The following TCF25 variants were observed in gnomAD, a reference collection of about 807,000 sequenced individuals.
TCF25 encodes the protein ribosome quality control complex subunit TCF25.
In TCF25, 41 loss-of-function variants were observed where a neutral mutation model predicts 83.1. The observed-to-expected ratio is 0.49, with a 90% confidence interval of 0.38 to 0.64. The LOEUF (loss-of-function observed/expected upper bound fraction) is 0.64. TCF25 is among the 30% of genes least tolerant of loss of function. The pLI is 0.00. For synonymous variants in TCF25, 458 were observed against 365.0 expected (o/e 1.25, Z -2.90); for missense variants, 979 against 914.5 (o/e 1.07, Z -0.91).
chr16:89,887,030 G>T (rs2043069210), intron 4 of TCF25, among the ~76,000 whole-genome samples: 1 of 152,106 alleles, frequency 6.6e-6, no homozygotes, highest in Non-Finnish European at 1.5e-5. Context: ...ATATTAGAGA[G>T]TTCCTTCTTT....
In TCF25 at chr16:89,898,827, G is replaced by T. The variant is rs760679534; in HGVS notation, c.1176G>T (p.Arg392=). 5 of 1,613,886 alleles carry T rather than the reference G, an allele frequency of 3.1e-6. No homozygotes were observed. In the South Asian group the frequency reaches 4.4e-5, roughly 14 times the overall value. ...MLLLIDHLAL[R]ARNYEYLIRL... is the part of the protein sequence containing the mutation. ...TGCTCATCGACCACCTGGCCTTGCG[G>T]GCCCGGAACTACGAGTACCTGATCC... Residue 392 remains arginine (R), a synonymous_variant, in exon 11 of 18, where the codon CGG becomes CGT. Coordinates refer to ENST00000263346, the MANE Select transcript of TCF25 (RefSeq NM_014972.3).
intron 16 of TCF25, among the ~76,000 whole-genome samples, chr16:89,908,669 C>CT (rs2045257126): frequency 9.8e-6 from 1 of 102,452 alleles, no homozygotes; most frequent in African/African-American, 4.1e-5. Flanking sequence ...CAGCTCCCAC[C>CT]TCCCTCCTCC....
rs371442332 is a variant in TCF25, at chr16:89,898,848, G to A, written c.1197G>A (p.Leu399=). The change falls in exon 11 of 18, where the codon CTG becomes CTA. Residue 399 remains leucine, a synonymous_variant. Coordinates refer to ENST00000263346, the MANE Select transcript of TCF25 (RefSeq NM_014972.3). ...TGCGGGCCCGGAACTACGAGTACCTGATCCGCCTCTTCCAGGAGTGGGAGG... is the reference window on the plus strand; with the variant it reads ...TGCGGGCCCGGAACTACGAGTACCTAATCCGCCTCTTCCAGGAGTGGGAGG... ...LALRARNYEY[L]IRLFQEWEAH... 1 of 1,613,852 alleles carries A rather than the reference G, an allele frequency of 6.2e-7. No individual in the cohort carries two copies. The highest frequency in any genetic ancestry group is 2.2e-5 in the East Asian group (1 of 44,880).
At chr16:89,908,912 G>T (rs540658935) in intron 16 of TCF25, 35 of 1,284,886 alleles carry the variant, frequency 2.7e-5, no homozygotes, top group Non-Finnish European at 6.1e-6. Flanking sequence ...GCCTCTTTCA[G>T]ACCCAGATGC....
chr16:89,874,394 G>C (rs1204012743), intron 1 of TCF25, among the ~76,000 whole-genome samples: 1 of 152,162 alleles, frequency 6.6e-6, no homozygotes, highest in Admixed American at 6.5e-5. Context: ...ACGGCGTAGG[G>C]GCAGGAGTCG....
At chr16:89,878,321 C>T (rs897467878) in intron 1 of TCF25, 11 of 684,412 alleles carry the variant, frequency 1.6e-5, no homozygotes, top group Non-Finnish European at 1.9e-6. Flanking sequence ...TGCGGTGGCT[C>T]ATGCCGGTAA....
At chr16:89,895,361 C>T (rs1226605771) in intron 8 of TCF25, among the ~76,000 whole-genome samples, 1 of 152,178 alleles carries the variant, frequency 6.6e-6, no homozygotes, top group African/African-American at 2.4e-5. Context: ...CGCCCGCCAC[C>T]AGACCTGGCT....
intron 7 of TCF25, 140 bp downstream of exon 7, chr16:89,893,998 C>T (rs1290685554): frequency 4.7e-6 from 6 of 1,278,392 alleles, no homozygotes; most frequent in Non-Finnish European, 4.2e-6. Flanking sequence ...CTCTGCAGGG[C>T]GGTCTGGCCC....
chr16:89,886,163 C>T (rs2043002900), intron 4 of TCF25, 197 bp downstream of exon 4: 2 of 582,944 alleles, frequency 3.4e-6, no homozygotes, highest in South Asian at 3.1e-5. Flanking sequence ...CGTGGTGGCT[C>T]ACGCCTGTAA....
At chr16:89,884,244 C>T (rs1026115633) in intron 2 of TCF25, among the ~76,000 whole-genome samples, 2 of 152,076 alleles carry the variant, frequency 1.3e-5, no homozygotes, top group Admixed American at 6.5e-5. Flanking sequence ...CGGTGTGAGG[C>T]GGCCAGGGCA....
At chr16:89,908,478 A>G (rs1447865513) in intron 16 of TCF25, among the ~76,000 whole-genome samples, 1 of 109,562 alleles carries the variant, frequency 9.1e-6, no homozygotes, top group Non-Finnish European at 1.9e-5. Context: ...CCCACCTGCC[A>G]GCTCCCACCT....
Position 89,911,359 on chromosome 16 carries a change from C to A in TCF25, c.*121C>A. 1 of 1,334,352 alleles carries A rather than the reference C, an allele frequency of 7.5e-7. No individual in the cohort carries two copies. Among genetic ancestry groups the A allele is most frequent in the Non-Finnish European group, 1.0e-6 (1 of 965,616 alleles). 82.7% of individuals were successfully genotyped at this position (1,334,352 alleles called of 1,614,324 possible). Reference sequence around the variant, plus strand: ...TGTCGCTCCCTGGTCCACTGTTTCTCCTATAAATGTAAATGGGTCACGCTC... The same window carrying A: ...TGTCGCTCCCTGGTCCACTGTTTCTACTATAAATGTAAATGGGTCACGCTC... On this transcript the variant is annotated 3_prime_UTR_variant, in exon 18 of 18. Coordinates refer to ENST00000263346, the MANE Select transcript of TCF25 (RefSeq NM_014972.3).
intron 2 of TCF25, among the ~76,000 whole-genome samples, chr16:89,884,269 T>C (rs921595837): frequency 6.6e-6 from 1 of 152,080 alleles, no homozygotes; most frequent in African/African-American, 2.4e-5. Context: ...AAGGCCCCCG[T>C]CTTCAGGGTG....
chr16:89,875,989 C>CT (rs34016555), intron 1 of TCF25, among the ~76,000 whole-genome samples: 7,072 of 150,442 alleles, frequency 0.047, 571 homozygotes, highest in African/African-American at 0.16. Context: ...TCTTTTAATG[C>CT]TTTTTTTTTC....
chr16:89,894,720 T>C (rs1166352110), intron 7 of TCF25, among the ~76,000 whole-genome samples: 4 of 152,186 alleles, frequency 2.6e-5, no homozygotes, highest in South Asian at 2.1e-4. Flanking sequence ...CTAGAGTGCA[T>C]TGGCGCAGTC....
rs903735556 is a variant in TCF25, at chr16:89,883,336, A to G, written c.193-15A>G. 1 of 1,611,976 alleles carries G rather than the reference A, an allele frequency of 6.2e-7. No homozygotes were observed. Among genetic ancestry groups the G allele is most frequent in the Non-Finnish European group, 8.5e-7 (1 of 1,178,210 alleles). ...GTAAGTAACGCCCTGGCTCTTCTCC[A>G]ACCTGTTTTTCCAGATAAACATTGA... On this transcript the variant is annotated splice_polypyrimidine_tract_variant and intron_variant, in intron 1 of 17. Coordinates refer to ENST00000263346, the MANE Select transcript of TCF25 (RefSeq NM_014972.3).
intron 9 of TCF25, among the ~76,000 whole-genome samples, chr16:89,896,436 A>T (rs1211905356): frequency 6.6e-6 from 1 of 152,056 alleles, no homozygotes. Flanking sequence ...GGCTGGGCAC[A>T]GTGGTTCACG....
In TCF25 at chr16:89,907,307, A is replaced by T. The variant is rs1386560697; in HGVS notation, c.1784A>T (p.Tyr595Phe). The T allele has an allele frequency of 6.3e-7, 1 of 1,580,752 alleles. No individual in the cohort carries two copies. Among genetic ancestry groups the T allele is most frequent in the Non-Finnish European group, 8.6e-7 (1 of 1,161,680 alleles). Reference sequence around the variant, plus strand: ...CCTCCTTCGGACACAATCTACTCCTACGTCAGGCCAGAGAGGTACCTCCCT... The same window carrying T: ...CCTCCTTCGGACACAATCTACTCCTTCGTCAGGCCAGAGAGGTACCTCCCT... ...PLPPSDTIYSYVRPERLSPIS... is the reference protein window; with the variant it reads ...PLPPSDTIYSFVRPERLSPIS... The change falls in exon 16 of 18, where the codon TAC becomes TTC. Residue 595 changes from tyrosine (Y) to phenylalanine (F), a missense_variant. Transcript: ENST00000263346.
At chr16:89,903,633 C>T (rs1407037825) in intron 12 of TCF25, among the ~76,000 whole-genome samples, 1 of 152,152 alleles carries the variant, frequency 6.6e-6, no homozygotes, top group South Asian at 2.1e-4. Context: ...TGGTGAAACC[C>T]TGTCTCTACT....
Sources: gnomAD v4.1 joint callset for allele counts (sites outside exome capture counted in the v4.1 genomes callset) on GRCh38, gnomAD v4.1.1 for gene constraint, MANE v1.5 for transcripts, NCBI Gene and HGNC (gene_info 2026-07-23, HGNC 2026-07-21) for gene names.